The following CLVS1 variants were observed in gnomAD, a reference collection of about 807,000 sequenced individuals.
CLVS1 encodes clavesin-1.
CLVS1 carries 10 observed loss-of-function variants against 33.1 expected under a neutral mutation model. The ratio of observed to expected loss-of-function variants is 0.30; its 90% CI spans 0.19 to 0.51. CLVS1 has a LOEUF of 0.51. CLVS1 is among the 20% of genes least tolerant of loss of function. The pLI, the probability that CLVS1 is intolerant of heterozygous loss-of-function variation, is 0.97. For synonymous variants in CLVS1, 163 were observed against 166.1 expected, an observed-to-expected ratio of 0.98 and a Z score of 0.14; for missense variants, 343 against 433.4, an observed-to-expected ratio of 0.79 and a Z score of 1.85.
intron 2 of CLVS1, among the ~76,000 whole-genome samples, chr8:61,193,519 A>T (rs937711706): frequency 1.4e-4 from 5 of 35,462 alleles, no homozygotes; most frequent in African/African-American, 2.8e-4. Flanking sequence ...AAAGTATAAT[A>T]AAAAAAAAAG....
chr8:61,011,420 G>C, the CLVS1 span, among the ~76,000 whole-genome samples: 2 of 152,076 alleles, frequency 1.3e-5, no homozygotes, highest in Non-Finnish European at 2.9e-5. Context: ...TCGTATTGCA[G>C]GTAGCCTGAT....
At chr8:61,093,562 T>C (rs1805293192) in intron 1 of CLVS1, among the ~76,000 whole-genome samples, 2 of 152,244 alleles carry the variant, frequency 1.3e-5, no homozygotes, top group South Asian at 4.1e-4. Context: ...GATTACTGCA[T>C]GAAGGAAATG....
chr8:60,998,157 C>T, the CLVS1 span, among the ~76,000 whole-genome samples: 1 of 152,120 alleles, frequency 6.6e-6, no homozygotes, highest in South Asian at 2.1e-4. Flanking sequence ...GAGAAAAGTG[C>T]CTCGTCCCAC....
chr8:61,305,535 G>A (rs1364544461), intron 2 of CLVS1, among the ~76,000 whole-genome samples: 3 of 151,928 alleles, frequency 2.0e-5, no homozygotes, highest in East Asian at 1.9e-4. Flanking sequence ...ATAATATTTT[G>A]TTGTATGTAT....
intron 2 of CLVS1, among the ~76,000 whole-genome samples, chr8:61,329,325 T>G (rs1811505313): frequency 6.6e-6 from 1 of 152,312 alleles, no homozygotes; most frequent in East Asian, 1.9e-4. Flanking sequence ...TACTGCTATT[T>G]GTTGATTATT....
At chr8:61,232,023 G>GTTTGTTTTTTT in intron 2 of CLVS1, among the ~76,000 whole-genome samples, 19 of 62,640 alleles carry the variant, frequency 3.0e-4, no homozygotes, top group Admixed American at 8.7e-4. Flanking sequence ...GAAAGTTGTG[G>GTTTGTTTTTTT]TTTTTTTTTT....
At chr8:61,044,837 T>G in the CLVS1 span, among the ~76,000 whole-genome samples, 3 of 152,178 alleles carry the variant, frequency 2.0e-5, no homozygotes, top group Admixed American at 1.3e-4. Context: ...CTCAACTCAT[T>G]TTTAAGGGGC....
At chr8:61,346,953 A>G (rs1042041853) in intron 2 of CLVS1, among the ~76,000 whole-genome samples, 1 of 152,230 alleles carries the variant, frequency 6.6e-6, no homozygotes, top group Admixed American at 6.5e-5. Context: ...TGTGCAGATG[A>G]CTGCAAGTGG....
intron 5 of CLVS1, among the ~76,000 whole-genome samples, chr8:61,471,560 T>G (rs373441647): frequency 1.8e-4 from 28 of 152,176 alleles, no homozygotes; most frequent in African/African-American, 6.3e-4. Flanking sequence ...AATACAAGGC[T>G]TTTGTACCCT....
At chr8:61,298,475 A>G (rs1053639123) in intron 1 of CLVS1, among the ~76,000 whole-genome samples, 3 of 152,192 alleles carry the variant, frequency 2.0e-5, no homozygotes, top group African/African-American at 7.2e-5. Flanking sequence ...AAAGACATAT[A>G]AAGTAGAAAT....
rs576712870 is a variant in CLVS1, at chr8:61,475,045, G to T, written c.977+16503G>T. Among the ~76,000 whole-genome samples, 107 of 152,102 alleles carry T rather than the reference G, an allele frequency of 7.0e-4. 1 individual carries two copies. The highest frequency in any genetic ancestry group is 2.2e-4 in the Non-Finnish European group (15 of 67,966). On this transcript the variant is annotated intron_variant, in intron 5 of 5. Coordinates refer to ENST00000325897, the MANE Select transcript of CLVS1 (RefSeq NM_173519.3). ...CCCACCTATGAGTGAGAACATGCAG[G>T]GTTTGGTTTTTTGTCCTTGTGATAC... is the stretch of plus-strand genomic sequence containing the variant.
At chr8:61,090,016 C>T (rs901908388) in intron 1 of CLVS1, among the ~76,000 whole-genome samples, 1 of 152,194 alleles carries the variant, frequency 6.6e-6, no homozygotes, top group Admixed American at 6.5e-5. Flanking sequence ...TGAAGAAGTT[C>T]TCCCTAATAC....
chr8:61,484,091 A>C (rs1293579617), intron 5 of CLVS1, among the ~76,000 whole-genome samples: 1 of 152,246 alleles, frequency 6.6e-6, no homozygotes, highest in South Asian at 2.1e-4. Flanking sequence ...AGTTCTGGCC[A>C]GAGCAATCAG....
At chr8:61,125,406 G>A (rs1319075063) in intron 1 of CLVS1, among the ~76,000 whole-genome samples, 1 of 152,054 alleles carries the variant, frequency 6.6e-6, no homozygotes, top group Non-Finnish European at 1.5e-5. Context: ...TACCCATAAG[G>A]GGTTACTCAA....
chr8:61,015,628 C>A, the CLVS1 span, among the ~76,000 whole-genome samples: 1 of 152,132 alleles, frequency 6.6e-6, no homozygotes, highest in Non-Finnish European at 1.5e-5. Flanking sequence ...CCTGAACACA[C>A]GTGGGAGAAA....
At chr8:61,452,533 G>A (rs538351925) in intron 3 of CLVS1, among the ~76,000 whole-genome samples, 2 of 152,210 alleles carry the variant, frequency 1.3e-5, no homozygotes, top group African/African-American at 4.8e-5. Flanking sequence ...AAACACTTTC[G>A]GGAATGGTCT....
At chr8:61,052,360 AG>A (rs1804399390), upstream of CLVS1, among the ~76,000 whole-genome samples, 1 of 152,206 alleles carries the variant, frequency 6.6e-6, no homozygotes, top group Non-Finnish European at 1.5e-5. Flanking sequence ...AGTACCCACT[AG>A]GATGGGAAAA....
chr8:61,099,998 G>A (rs1031082813), intron 1 of CLVS1, among the ~76,000 whole-genome samples: 1 of 152,090 alleles, frequency 6.6e-6, no homozygotes, highest in African/African-American at 2.4e-5. Flanking sequence ...CTAGAATTAG[G>A]GACATTTATG....
intron 2 of CLVS1, among the ~76,000 whole-genome samples, chr8:61,303,097 T>C (rs1478743037): frequency 1.3e-5 from 2 of 152,216 alleles, no homozygotes; most frequent in East Asian, 3.9e-4. Flanking sequence ...TCAATAATTG[T>C]GCTGACTTCA....
Sources: allele counts gnomAD v4.1 joint callset (sites outside exome capture counted in the v4.1 genomes callset), GRCh38; gene constraint gnomAD v4.1.1; transcripts MANE v1.5; gene names NCBI Gene and HGNC (gene_info 2026-07-23, HGNC 2026-07-21).